The following CCDC85A variants were observed in gnomAD, a reference collection of about 807,000 sequenced individuals.
CCDC85A encodes the protein coiled-coil domain-containing protein 85A.
In CCDC85A, 38 loss-of-function variants were observed where a neutral mutation model predicts 50.2. That is an observed-to-expected ratio of 0.76 (90% CI 0.58 to 0.99). CCDC85A has a LOEUF of 0.99. Among genes scored for constraint, CCDC85A ranks in the 50% least tolerant of loss-of-function variants. The pLI is 0.00. For synonymous variants in CCDC85A, 366 were observed against 301.4 expected (o/e 1.21, Z -2.22); for missense variants, 820 against 742.0 (o/e 1.11, Z -1.22).
chr2:56,304,469 A>C (rs986586734), intron 2 of CCDC85A, among the ~76,000 whole-genome samples: 1 of 152,216 alleles, frequency 6.6e-6, no homozygotes, highest in African/African-American at 2.4e-5. Flanking sequence ...CACCGGGCCA[A>C]GTAGACTTAA....
At chr2:56,283,257 A>G (rs948990208) in intron 2 of CCDC85A, among the ~76,000 whole-genome samples, 1 of 152,130 alleles carries the variant, frequency 6.6e-6, no homozygotes, top group Non-Finnish European at 1.5e-5. Flanking sequence ...GTTACTTGTC[A>G]CTTTTTGTAG....
At chr2:56,264,338 C>T (rs1670345220) in intron 2 of CCDC85A, among the ~76,000 whole-genome samples, 1 of 152,100 alleles carries the variant, frequency 6.6e-6, no homozygotes, top group Non-Finnish European at 1.5e-5. Context: ...TCCCATCTTC[C>T]CCAAAACTGC....
chr2:56,192,868 A>T lies in CCDC85A; in HGVS notation c.668A>T (p.Asp223Val). The T allele has an allele frequency of 6.2e-7, 1 of 1,613,078 alleles. No individual in the cohort carries two copies. Among genetic ancestry groups the T allele is most frequent in the Non-Finnish European group, 8.5e-7 (1 of 1,179,596 alleles). ...AGCACTGGCAGCACTGACAGCCCGG[A>T]CCACCACAAGCACCACGCGAGCAGT... ...TSSTGSTDSPDHHKHHASSGS... is the reference protein window; with the variant it reads ...TSSTGSTDSPVHHKHHASSGS... Residue 223 changes from aspartate to valine, a missense_variant, in exon 2 of 6, where the codon GAC becomes GTC. Physicochemically the swap from Asp to Val is radical, Grantham distance 152. Transcript: ENST00000407595. This position sits in a 1 kb window ranked among gnomAD's most constrained non-coding sequence, Gnocchi z 4.7.
At chr2:56,303,705 CT>C (rs900580167) in intron 2 of CCDC85A, among the ~76,000 whole-genome samples, 5 of 152,126 alleles carry the variant, frequency 3.3e-5, no homozygotes, top group African/African-American at 7.2e-5. Context: ...CTACCAGATA[CT>C]TTTTTTTAAA....
chr2:56,272,015 A>C (rs946474785), intron 2 of CCDC85A, among the ~76,000 whole-genome samples: 3 of 152,186 alleles, frequency 2.0e-5, no homozygotes, highest in Non-Finnish European at 4.4e-5. Flanking sequence ...AGGAGTGTTC[A>C]TTTCCAAATA....
intron 3 of CCDC85A, among the ~76,000 whole-genome samples, chr2:56,353,125 C>G (rs2104349343): frequency 6.6e-6 from 1 of 152,260 alleles, no homozygotes; most frequent in African/African-American, 2.4e-5. Flanking sequence ...TCACTGGATT[C>G]TAAAGCTAAT....
intron 2 of CCDC85A, among the ~76,000 whole-genome samples, chr2:56,241,178 T>C (rs1325249412): frequency 6.6e-6 from 1 of 152,142 alleles, no homozygotes; most frequent in Non-Finnish European, 1.5e-5. Context: ...TTTGGCCATT[T>C]TTAATTTTTA....
At chr2:56,245,640 C>T (rs1247841899) in intron 2 of CCDC85A, among the ~76,000 whole-genome samples, 1 of 152,200 alleles carries the variant, frequency 6.6e-6, no homozygotes, top group Non-Finnish European at 1.5e-5. Context: ...CTGCCTTTCT[C>T]TTCCTGCCCA....
In CCDC85A at chr2:56,285,804, A is replaced by G. The variant is rs79879239; in HGVS notation, c.1241-57075A>G. On this transcript the variant is annotated intron_variant, in intron 2 of 5. Coordinates refer to ENST00000407595, the MANE Select transcript of CCDC85A (RefSeq NM_001080433.2). ...GGTTGCTTTTTATATTTGCCCACATATGCACTATTTCCAGTGTTGTTCTTT... is the reference window on the plus strand; with the variant it reads ...GGTTGCTTTTTATATTTGCCCACATGTGCACTATTTCCAGTGTTGTTCTTT... Among the ~76,000 whole-genome samples the G allele has an allele frequency of 7.2e-5, 11 of 152,122 alleles. No homozygotes were observed. In the East Asian group the frequency reaches 1.5e-3, roughly 21 times the overall value.
intron 2 of CCDC85A, among the ~76,000 whole-genome samples, chr2:56,301,756 A>G (rs1176473046): frequency 6.6e-6 from 1 of 152,168 alleles, no homozygotes; most frequent in African/African-American, 2.4e-5. Context: ...GGAGGTGAAC[A>G]ATGAGAACAC....
At chr2:56,289,858 C>G (rs1322642121) in intron 2 of CCDC85A, among the ~76,000 whole-genome samples, 1 of 146,592 alleles carries the variant, frequency 6.8e-6, no homozygotes, top group African/African-American at 2.6e-5. Context: ...AACACGCTGG[C>G]AGTAAAGTAT....
At chr2:56,334,708 C>T (rs1673987866) in intron 2 of CCDC85A, among the ~76,000 whole-genome samples, 1 of 152,178 alleles carries the variant, frequency 6.6e-6, no homozygotes, top group East Asian at 1.9e-4. Context: ...CAATCTTTGG[C>T]ATTTCTGATT....
At chr2:56,216,571 T>C (rs780142905) in intron 2 of CCDC85A, among the ~76,000 whole-genome samples, 2 of 151,996 alleles carry the variant, frequency 1.3e-5, no homozygotes, top group Middle Eastern at 3.4e-3. Flanking sequence ...TGTCTTTTTT[T>C]CCTTAACCTC....
At chr2:56,281,385 G>A (rs1671200916) in intron 2 of CCDC85A, among the ~76,000 whole-genome samples, 1 of 152,124 alleles carries the variant, frequency 6.6e-6, no homozygotes, top group African/African-American at 2.4e-5. Flanking sequence ...TAAAGTCATG[G>A]ACATACAAGT....
At chr2:56,274,084 A>G (rs780108156) in intron 2 of CCDC85A, among the ~76,000 whole-genome samples, 2 of 152,176 alleles carry the variant, frequency 1.3e-5, no homozygotes, top group Non-Finnish European at 2.9e-5. Context: ...TAAAATAGCT[A>G]TGCTGTACTA....
Position 56,256,601 on chromosome 2 carries a change from T to C in CCDC85A, c.1240+63161T>C, listed in dbSNP as rs139566906. 3.4e-4 allele frequency among the ~76,000 whole-genome samples: 52 copies of C among 152,358 alleles called. 1 individual carries two copies. The East Asian group carries it at 9.8e-3, about 29-fold the overall frequency. ...TTTTCTAGGGGATAGGTCTTCTTTG[T>C]TCGCTGTAAAAATTCAAAGTAGGGC... On this transcript the variant is annotated intron_variant, in intron 2 of 5. Transcript: ENST00000407595.
At chr2:56,299,731 A>T (rs1256290258) in intron 2 of CCDC85A, among the ~76,000 whole-genome samples, 3 of 152,154 alleles carry the variant, frequency 2.0e-5, no homozygotes, top group Non-Finnish European at 4.4e-5. Flanking sequence ...AAAGTAAGGG[A>T]TAGGTCATTT....
chr2:56,194,258 G>C (rs1027471401), intron 2 of CCDC85A, among the ~76,000 whole-genome samples: 3 of 152,220 alleles, frequency 2.0e-5, no homozygotes, highest in African/African-American at 7.2e-5. Flanking sequence ...TGCTGAGGCA[G>C]TGCTAAACCT....
At chr2:56,255,931 G>A (rs1305301794) in intron 2 of CCDC85A, among the ~76,000 whole-genome samples, 1 of 152,102 alleles carries the variant, frequency 6.6e-6, no homozygotes, top group African/African-American at 2.4e-5. Context: ...CCTTCTTAGA[G>A]GTAAGAGCAA....
Sources: allele counts gnomAD v4.1 joint callset (sites outside exome capture counted in the v4.1 genomes callset), GRCh38; gene constraint gnomAD v4.1.1; non-coding constraint Gnocchi (gnomAD v3.1); transcripts MANE v1.5; gene names NCBI Gene and HGNC (gene_info 2026-07-23, HGNC 2026-07-21).